Variants in FAM228B observed in about 807,000 individuals in gnomAD.
FAM228B encodes family with sequence similarity 228 member B.
Under a neutral mutation model 42.6 loss-of-function variants are expected in FAM228B, and 38 were observed. The observed-to-expected ratio is 0.89, with a 90% CI of 0.69 to 1.17. The LOEUF is 1.17. Ranked by LOEUF, FAM228B falls within the 50% of genes most tolerant of loss-of-function variation. FAM228B has a pLI of 0.00. For missense variants in FAM228B, 344 were observed against 367.3 expected, an observed-to-expected ratio of 0.94 and a Z score of 0.52; for synonymous variants, 109 against 122.3, an observed-to-expected ratio of 0.89 and a Z score of 0.72.
At chr2:24,133,870 C>G (rs1666514458) in intron 2 of FAM228B, among the ~76,000 whole-genome samples, 1 of 152,114 alleles carries the variant, frequency 6.6e-6, no homozygotes, top group South Asian at 2.1e-4. Context: ...TATGATCATA[C>G]TACTACACTC....
chr2:24,126,711 C>T (rs964106637), intron 2 of FAM228B, among the ~76,000 whole-genome samples: 3 of 151,692 alleles, frequency 2.0e-5, no homozygotes. Flanking sequence ...CCCCGGTTCA[C>T]GCCATTCTCC....
chr2:24,142,271 T>C (rs1316152014), intron 5 of FAM228B, among the ~76,000 whole-genome samples: 2 of 152,184 alleles, frequency 1.3e-5, no homozygotes, highest in African/African-American at 2.4e-5. Context: ...ATTTCAACAG[T>C]AGGGCTTGAG....
intron 2 of FAM228B, among the ~76,000 whole-genome samples, chr2:24,130,448 T>A (rs2151015535): frequency 6.6e-6 from 1 of 152,324 alleles, no homozygotes; most frequent in Non-Finnish European, 1.5e-5. Context: ...AGTGCTCCTG[T>A]TTCTCCACAG....
At chr2:24,089,118 AG>A (rs1665329769) in intron 2 of FAM228B, among the ~76,000 whole-genome samples, 1 of 152,086 alleles carries the variant, frequency 6.6e-6, no homozygotes, top group South Asian at 2.1e-4. Flanking sequence ...GGAGGCTGAG[AG>A]GGGTGGATCA....
upstream of FAM228B, chr2:24,122,374 A>G: frequency 7.3e-7 from 1 of 1,371,274 alleles, no homozygotes; most frequent in Non-Finnish European, 1.0e-6. Flanking sequence ...AAGAATAGAA[A>G]TAATAAGTAA....
chr2:24,084,047 T>G lies in FAM228B; in HGVS notation c.-210+3092T>G. 7.6e-7 allele frequency: 1 copy of G among 1,320,954 alleles called. No homozygotes were observed. Among genetic ancestry groups the G allele is most frequent in the Non-Finnish European group, 1.0e-6 (1 of 998,812 alleles). 81.8% of individuals were successfully genotyped at this position (1,320,954 alleles called of 1,614,324 possible). A position where few individuals can be genotyped will look rare whatever the true frequency, so the allele number is the denominator to read the frequency against. The stretch of plus-strand genomic sequence containing the variant: ...GCATGAACAAAGAGGGCGCCCTGGG[T>G]TTAGGTCTGGGAAGCCCCAGCGCAG... On this transcript the variant is annotated intron_variant, in intron 2 of 10. Transcript: ENST00000613899. This position sits in a 1 kb window ranked among gnomAD's most constrained non-coding sequence, Gnocchi z 8.4.
At chr2:24,096,377 A>G (rs972999306) in intron 3 of FAM228B, 1 of 152,108 alleles carries the variant, frequency 6.6e-6, no homozygotes, top group African/African-American at 2.4e-5. Flanking sequence ...AGGAAGTAAA[A>G]CCCTTGAAAA....
At chr2:24,165,165 T>C (rs1667373575) in intron 9 of FAM228B, among the ~76,000 whole-genome samples, 1 of 152,104 alleles carries the variant, frequency 6.6e-6, no homozygotes, top group Non-Finnish European at 1.5e-5. Context: ...AGAAGAATCA[T>C]GAATTATTTA....
chr2:24,079,641 C>T, intron 1 of FAM228B: 3 of 1,612,792 alleles, frequency 1.9e-6, no homozygotes, highest in African/African-American at 1.3e-5. Flanking sequence ...ACTCCAGCAC[C>T]TTCCATAGGA....
At chr2:24,098,254 G>T (rs562086815) in intron 3 of FAM228B, among the ~76,000 whole-genome samples, 2 of 152,080 alleles carry the variant, frequency 1.3e-5, no homozygotes, top group African/African-American at 4.8e-5. Context: ...AAATTCAAAA[G>T]CTAGCAGAAG....
At chr2:24,128,470 T>C (rs972855960) in intron 2 of FAM228B, among the ~76,000 whole-genome samples, 5 of 152,210 alleles carry the variant, frequency 3.3e-5, no homozygotes, top group Non-Finnish European at 7.3e-5. Flanking sequence ...ACAGGAATAA[T>C]AACTTTTAAT....
chr2:24,117,743 T>C (rs1251840590), intron 3 of FAM228B, among the ~76,000 whole-genome samples: 1 of 152,222 alleles, frequency 6.6e-6, no homozygotes, highest in Non-Finnish European at 1.5e-5. Flanking sequence ...CCATCTGGCC[T>C]GTAATTCTTT....
intron 3 of FAM228B, among the ~76,000 whole-genome samples, chr2:24,111,091 C>T (rs951010362): frequency 3.3e-5 from 5 of 151,862 alleles, no homozygotes; most frequent in African/African-American, 7.3e-5. Context: ...AACAGAGTCT[C>T]GCCGTGTCAC....
intron 8 of FAM228B, among the ~76,000 whole-genome samples, chr2:24,163,400 G>A (rs554651721): frequency 8.2e-4 from 125 of 152,294 alleles, no homozygotes; most frequent in Non-Finnish European, 1.4e-3. Flanking sequence ...TTGTCCTTGA[G>A]GTGTGGTTTA....
upstream of FAM228B, among the ~76,000 whole-genome samples, chr2:24,121,804 C>T (rs2151009053): frequency 6.6e-6 from 1 of 152,308 alleles, no homozygotes; most frequent in East Asian, 1.9e-4. Context: ...CTTGCTTCCT[C>T]TCCCCCACTG....
intron 5 of FAM228B, among the ~76,000 whole-genome samples, chr2:24,143,036 A>G (rs1666792644): frequency 6.6e-6 from 1 of 152,228 alleles, no homozygotes; most frequent in Non-Finnish European, 1.5e-5. Flanking sequence ...ATTCATAGAT[A>G]TGGTTTCAGA....
At chr2:24,121,866 C>G (rs902426297), upstream of FAM228B, among the ~76,000 whole-genome samples, 1 of 152,144 alleles carries the variant, frequency 6.6e-6, no homozygotes, top group South Asian at 2.1e-4. Flanking sequence ...GTGGAAGCAG[C>G]CTGAGGCTTT....
At chr2:24,115,329 A>G (rs533229630) in intron 3 of FAM228B, 60 of 466,960 alleles carry the variant, frequency 1.3e-4, no homozygotes, top group Non-Finnish European at 2.0e-4. Flanking sequence ...GGAGCCTCCC[A>G]ATAGATATGC....
upstream of FAM228B, chr2:24,121,332 A>G (rs1265115189): frequency 6.3e-7 from 1 of 1,594,956 alleles, no homozygotes; most frequent in South Asian, 1.1e-5. Context: ...AGCAGGAGTC[A>G]GCCAACTATG....
Sources: gnomAD v4.1 joint callset for allele counts (sites outside exome capture counted in the v4.1 genomes callset) on GRCh38, gnomAD v4.1.1 for gene constraint, Gnocchi (gnomAD v3.1) non-coding constraint, MANE v1.5 for transcripts, NCBI Gene and HGNC (gene_info 2026-07-23, HGNC 2026-07-21) for gene names.